The following REC114 variants were observed in gnomAD, a reference collection of about 807,000 sequenced individuals.
REC114 encodes the protein REC114 meiotic recombination protein.
A neutral mutation model predicts 31.3 loss-of-function variants in REC114; 27 were observed. The observed-to-expected ratio is 0.86, with a 90% CI of 0.64 to 1.19. The LOEUF is 1.19. Among genes scored for constraint, REC114 ranks in the 50% most tolerant of loss-of-function variants. The probability of loss-of-function intolerance (pLI) is 0.00; values close to 1 mark genes in which losing one functional copy is unlikely to be tolerated. For synonymous variants in REC114, 134 were observed against 127.7 expected (o/e 1.05, Z -0.33); for missense variants, 344 against 326.9 (o/e 1.05, Z -0.40).
intron 1 of REC114, among the ~76,000 whole-genome samples, chr15:73,472,500 A>G (rs1329871542): frequency 6.6e-6 from 1 of 152,226 alleles, no homozygotes; most frequent in African/African-American, 2.4e-5. Flanking sequence ...CTATAAGAGC[A>G]TTGTTAGTAG....
chr15:73,477,545 T>A (rs139259312), intron 2 of REC114, among the ~76,000 whole-genome samples: 1,558 of 152,180 alleles, frequency 0.01, 25 homozygotes, highest in African/African-American at 0.036. Flanking sequence ...GCCTCCTGAG[T>A]AGCTGGGACT....
chr15:73,464,038 A>G (rs1893024508), intron 1 of REC114, among the ~76,000 whole-genome samples: 1 of 152,032 alleles, frequency 6.6e-6, no homozygotes, highest in African/African-American at 2.4e-5. Context: ...ATTTCATTCT[A>G]TTATTTTTTC....
At chr15:73,535,184 A>G (rs1193859266) in intron 2 of REC114, among the ~76,000 whole-genome samples, 15 of 147,810 alleles carry the variant, frequency 1.0e-4, no homozygotes, top group African/African-American at 3.1e-4. Flanking sequence ...GGCCAGGGCA[A>G]TTAGTCAGGA....
intron 2 of REC114, among the ~76,000 whole-genome samples, chr15:73,520,116 T>C (rs1893915239): frequency 1.3e-5 from 2 of 152,248 alleles, no homozygotes; most frequent in African/African-American, 2.4e-5. Flanking sequence ...AAGATAGTTT[T>C]ATATGTGTAT....
At chr15:73,477,552 G>A (rs980438674) in intron 2 of REC114, among the ~76,000 whole-genome samples, 3 of 152,044 alleles carry the variant, frequency 2.0e-5, no homozygotes, top group African/African-American at 7.2e-5. Context: ...GAGTAGCTGG[G>A]ACTGTAGGCA....
chr15:73,507,658 TG>T (rs1893699861), intron 2 of REC114, among the ~76,000 whole-genome samples: 2 of 152,296 alleles, frequency 1.3e-5, no homozygotes, highest in South Asian at 4.1e-4. Flanking sequence ...TATGTGTACA[TG>T]TACGTACACA....
At chr15:73,493,768 A>G (rs1182303313) in intron 2 of REC114, among the ~76,000 whole-genome samples, 1 of 152,216 alleles carries the variant, frequency 6.6e-6, no homozygotes, top group African/African-American at 2.4e-5. Context: ...GTTTTTTGCT[A>G]GCCACAATGC....
chr15:73,553,012 A>G (rs929354567), intron 4 of REC114, among the ~76,000 whole-genome samples: 3 of 152,072 alleles, frequency 2.0e-5, no homozygotes, highest in African/African-American at 7.2e-5. Context: ...ATGGGGTTTC[A>G]TTATGTTGGC....
intron 1 of REC114, among the ~76,000 whole-genome samples, chr15:73,470,026 G>A (rs1893112772): frequency 6.6e-6 from 1 of 151,996 alleles, no homozygotes; most frequent in Admixed American, 6.6e-5. Context: ...TATATTTAAA[G>A]TGCATTTCTT....
At chr15:73,492,858 TAGTG>T (rs1445189462) in intron 2 of REC114, among the ~76,000 whole-genome samples, 1 of 152,172 alleles carries the variant, frequency 6.6e-6, no homozygotes, top group Non-Finnish European at 1.5e-5. Context: ...TCATAATTAA[TAGTG>T]AGTTTGAACA....
intron 2 of REC114, among the ~76,000 whole-genome samples, chr15:73,523,344 C>T (rs897374845): frequency 2.2e-4 from 33 of 151,474 alleles, no homozygotes; most frequent in African/African-American, 8.0e-4. Context: ...AAATGAGGTA[C>T]AGAAATTGGA....
At chr15:73,458,817 G>A (rs138768594) in intron 1 of REC114, among the ~76,000 whole-genome samples, 1 of 152,172 alleles carries the variant, frequency 6.6e-6, no homozygotes, top group Non-Finnish European at 1.5e-5. Flanking sequence ...GGCCATCCTA[G>A]CTGCACGGGC....
chr15:73,550,952 G>C lies in REC114; in HGVS notation c.348G>C (p.Leu116=). Residue 116 remains leucine, a synonymous_variant, in exon 4 of 6, where the codon CTG becomes CTC. Coordinates refer to ENST00000331090, the MANE Select transcript of REC114 (RefSeq NM_001042367.2). ...TTGTCAAACAGGACAAGAGTCGCCT[G>C]TTTCGAGTACAGTTCAGTGGAGAGT... ...FGTTIKDKSR[L]FRVQFSGESK... 1 of 1,613,908 alleles carries C rather than the reference G, an allele frequency of 6.2e-7. No individual in the cohort carries two copies. Among genetic ancestry groups the C allele is most frequent in the Non-Finnish European group, 8.5e-7 (1 of 1,179,824 alleles).
chr15:73,469,906 G>A (rs1218180221), intron 1 of REC114, among the ~76,000 whole-genome samples: 1 of 152,044 alleles, frequency 6.6e-6, no homozygotes, highest in African/African-American at 2.4e-5. Context: ...GGGCAAGCCT[G>A]TGCTGAGATT....
At chr15:73,486,587 A>G (rs1356676822) in intron 2 of REC114, among the ~76,000 whole-genome samples, 1 of 152,222 alleles carries the variant, frequency 6.6e-6, no homozygotes, top group Non-Finnish European at 1.5e-5. Flanking sequence ...TTTATAAGCA[A>G]TGCAAATTTA....
intron 1 of REC114, among the ~76,000 whole-genome samples, chr15:73,461,963 A>T: frequency 9.4e-6 from 1 of 105,838 alleles, no homozygotes; most frequent in African/African-American, 3.8e-5. Context: ...ACAGAGTCTT[A>T]CTCTGTCACC....
At chr15:73,535,642 C>A (rs866544830) in intron 2 of REC114, among the ~76,000 whole-genome samples, 75 of 145,276 alleles carry the variant, frequency 5.2e-4, no homozygotes, top group Middle Eastern at 3.4e-3. Context: ...ATCAAGCTAC[C>A]AATGACTTTC....
At chr15:73,542,236 C>T (rs1358305715) in intron 3 of REC114, among the ~76,000 whole-genome samples, 2 of 147,744 alleles carry the variant, frequency 1.4e-5, no homozygotes, top group African/African-American at 2.5e-5. Context: ...GAAGCTGAGG[C>T]AAGATAATTG....
At position 73,559,837 on chromosome 15, in the gene REC114, G is replaced by C. The variant is rs1490021825; in HGVS notation, c.722G>C (p.Cys241Ser). ...AEELGPFLRL[C>S]LMDQNFPAFV... ...GAGTTAGGCCCCTTCCTACGTTTGT[G>C]CCTTATGGATCAGAATTTCCCAGCA... is the stretch of plus-strand genomic sequence containing the variant. Residue 241 changes from cysteine to serine, a missense_variant, in exon 6 of 6, where the codon TGC (cysteine) becomes TCC (serine). Transcript: ENST00000331090. 1 of 1,612,616 alleles carries C rather than the reference G, an allele frequency of 6.2e-7. No homozygotes were observed. Among genetic ancestry groups the C allele is most frequent in the Non-Finnish European group, 8.5e-7 (1 of 1,179,454 alleles).
Sources: gnomAD v4.1 joint callset for allele counts (sites outside exome capture counted in the v4.1 genomes callset) on GRCh38, gnomAD v4.1.1 for gene constraint, MANE v1.5 for transcripts, NCBI Gene and HGNC (gene_info 2026-07-23, HGNC 2026-07-21) for gene names.